The following LSAMP variants were observed in gnomAD, a reference collection of about 807,000 sequenced individuals.
LSAMP encodes limbic system-associated membrane protein.
Under a neutral mutation model 38.6 loss-of-function variants are expected in LSAMP, and 7 were observed. The observed-to-expected ratio is 0.18, with a 90% CI of 0.10 to 0.34. LSAMP has a LOEUF of 0.34. LSAMP is among the 10% of genes least tolerant of loss of function. The probability of loss-of-function intolerance (pLI) is 1.00; values close to 1 mark genes in which losing one functional copy is unlikely to be tolerated. For missense variants in LSAMP, 313 were observed against 420.0 expected, an observed-to-expected ratio of 0.75 and a Z score of 2.23; for synonymous variants, 154 against 166.8, an observed-to-expected ratio of 0.92 and a Z score of 0.59.
At chr3:116,251,216 A>G (rs1352731000) in intron 1 of LSAMP, among the ~76,000 whole-genome samples, 1 of 152,230 alleles carries the variant, frequency 6.6e-6, no homozygotes, top group African/African-American at 2.4e-5. Context: ...TTTAAGGTCG[A>G]AACATCTGAT....
intron 1 of LSAMP, among the ~76,000 whole-genome samples, chr3:116,110,510 G>A (rs1311082048): frequency 6.6e-6 from 1 of 152,164 alleles, no homozygotes; most frequent in Non-Finnish European, 1.5e-5. Flanking sequence ...GATAAAACGT[G>A]TCTCCTTTGT....
chr3:116,343,793 T>C (rs372257821), intron 1 of LSAMP, among the ~76,000 whole-genome samples: 2 of 152,234 alleles, frequency 1.3e-5, no homozygotes, highest in East Asian at 3.9e-4. Context: ...CTGAACTGCA[T>C]AGACACACAG....
intron 3 of LSAMP, among the ~76,000 whole-genome samples, chr3:115,942,940 T>C (rs775261410): frequency 2.6e-5 from 4 of 152,116 alleles, no homozygotes; most frequent in Non-Finnish European, 5.9e-5. Context: ...TATAATGTAG[T>C]AGAGGGAGAT....
intron 3 of LSAMP, among the ~76,000 whole-genome samples, chr3:115,971,543 G>T (rs1444101416): frequency 6.6e-6 from 1 of 152,108 alleles, no homozygotes; most frequent in Non-Finnish European, 1.5e-5. Flanking sequence ...TTCTTGGCTT[G>T]AAACCTAATT....
intron 3 of LSAMP, among the ~76,000 whole-genome samples, chr3:115,926,232 A>G (rs1347212963): frequency 6.6e-6 from 1 of 152,098 alleles, no homozygotes; most frequent in African/African-American, 2.4e-5. Context: ...GCTAGATGAG[A>G]GTGAATGGAA....
intron 1 of LSAMP, among the ~76,000 whole-genome samples, chr3:116,319,788 CAA>C (rs145801218): frequency 3.4e-5 from 5 of 148,594 alleles, no homozygotes; most frequent in Non-Finnish European, 6.0e-5. Flanking sequence ...CCTCTAGACT[CAA>C]AGTTTTTTTT....
At chr3:116,092,067 C>A (rs1708136425) in intron 1 of LSAMP, among the ~76,000 whole-genome samples, 1 of 152,142 alleles carries the variant, frequency 6.6e-6, no homozygotes, top group Admixed American at 6.6e-5. Context: ...CTCTGGAGCC[C>A]TCACTGAGCC....
chr3:116,256,555 C>CTT (rs1559801701), intron 1 of LSAMP, among the ~76,000 whole-genome samples: 1 of 152,032 alleles, frequency 6.6e-6, no homozygotes, highest in East Asian at 1.9e-4. Context: ...ATATAACATG[C>CTT]CTTTATCTGT....
At chr3:115,834,662 T>A in intron 6 of LSAMP, 2 of 807,978 alleles carry the variant, frequency 2.5e-6, no homozygotes, top group Non-Finnish European at 3.2e-6. Context: ...ATCTTTCTCA[T>A]GTTTAGTTAT....
intron 1 of LSAMP, among the ~76,000 whole-genome samples, chr3:116,210,046 G>A (rs904975871): frequency 6.6e-6 from 1 of 152,240 alleles, no homozygotes; most frequent in African/African-American, 2.4e-5. Context: ...GAGCCACTGA[G>A]CCCGGCCGAG....
chr3:115,980,951 T>C (rs1939340850), intron 3 of LSAMP, among the ~76,000 whole-genome samples: 1 of 151,900 alleles, frequency 6.6e-6, no homozygotes, highest in Non-Finnish European at 1.5e-5. Context: ...AACGGAGAGG[T>C]GAATTGTCGT....
At chr3:116,413,923 A>G (rs2049014520) in intron 1 of LSAMP, among the ~76,000 whole-genome samples, 2 of 151,964 alleles carry the variant, frequency 1.3e-5, no homozygotes, top group Non-Finnish European at 2.9e-5. Context: ...ACAAACCAAA[A>G]AAACAGGAAA....
intron 3 of LSAMP, among the ~76,000 whole-genome samples, chr3:115,879,843 G>A (rs576562847): frequency 4.7e-4 from 72 of 152,114 alleles, no homozygotes; most frequent in African/African-American, 1.6e-3. Flanking sequence ...TTCCTTTTCA[G>A]GTTCTTTATT....
intron 3 of LSAMP, among the ~76,000 whole-genome samples, chr3:116,000,446 A>C (rs372901616): frequency 6.6e-6 from 1 of 152,212 alleles, no homozygotes; most frequent in East Asian, 1.9e-4. Flanking sequence ...ATGAATCAGC[A>C]GCTGTACCTC....
chr3:116,127,488 C>T lies in LSAMP; in HGVS notation c.156-40932G>A, dbSNP rs541825958. Among the ~76,000 whole-genome samples, 268 of 152,216 alleles carry T rather than the reference C, an allele frequency of 1.8e-3. 1 individual carries two copies. Among genetic ancestry groups the T allele is most frequent in the Non-Finnish European group, 3.1e-3 (208 of 67,992 alleles). On this transcript the variant is annotated intron_variant, in intron 1 of 6. Coordinates refer to ENST00000490035, the MANE Select transcript of LSAMP (RefSeq NM_002338.5). The stretch of plus-strand genomic sequence containing the variant: ...GAAAGGACAGAAAAAAGAAGATAAA[C>T]ACATTTTCAAAATAATACTATCAAA...
intron 2 of LSAMP, among the ~76,000 whole-genome samples, chr3:116,029,477 T>C (rs1559926561): frequency 6.6e-6 from 1 of 151,994 alleles, no homozygotes; most frequent in Non-Finnish European, 1.5e-5. Context: ...TGATTACTAA[T>C]GCTACATTCA....
At chr3:116,215,057 T>C (rs2046203557) in intron 1 of LSAMP, among the ~76,000 whole-genome samples, 1 of 152,212 alleles carries the variant, frequency 6.6e-6, no homozygotes, top group Non-Finnish European at 1.5e-5. Flanking sequence ...GAACTCAGTA[T>C]GTACATAACA....
intron 1 of LSAMP, among the ~76,000 whole-genome samples, chr3:116,113,196 T>C (rs1192551428): frequency 1.3e-5 from 2 of 151,610 alleles, no homozygotes; most frequent in African/African-American, 2.4e-5. Context: ...AAGAAAATTC[T>C]CTAATAGACA....
intron 2 of LSAMP, 125 bp downstream of exon 2, chr3:116,086,199 A>G: frequency 1.3e-6 from 1 of 792,160 alleles, no homozygotes; most frequent in Admixed American, 2.5e-5. Flanking sequence ...GAAAATCGAT[A>G]CTTAAGTCCA....
Sources: gnomAD v4.1 joint callset for allele counts (sites outside exome capture counted in the v4.1 genomes callset) on GRCh38, gnomAD v4.1.1 for gene constraint, MANE v1.5 for transcripts, NCBI Gene and HGNC (gene_info 2026-07-23, HGNC 2026-07-21) for gene names.